The following CASP14 variants were observed in gnomAD, a reference collection of about 807,000 sequenced individuals.
CASP14 encodes caspase 14.
A neutral mutation model predicts 28.4 loss-of-function variants in CASP14; 27 were observed. That is an observed-to-expected ratio of 0.95 (90% confidence interval 0.70 to 1.31). CASP14 has a LOEUF of 1.31. CASP14 is among the 50% of genes most tolerant of loss of function. The probability of loss-of-function intolerance (pLI) is 0.00; values close to 1 mark genes in which losing one functional copy is unlikely to be tolerated. For synonymous variants in CASP14, 115 were observed against 118.6 expected, an observed-to-expected ratio of 0.97 and a Z score of 0.20; for missense variants, 323 against 312.8, an observed-to-expected ratio of 1.03 and a Z score of -0.25.
chr19:15,052,172 A>C, intron 1 of CASP14, 34 bp from the exon 2 acceptor site: 1 of 1,499,904 alleles, frequency 6.7e-7, no homozygotes, highest in Non-Finnish European at 9.0e-7. Context: ...GCCTCCCTTT[A>C]GAGAACTTTA....
chr19:15,053,962 G>C lies in CASP14; in HGVS notation c.403+4G>C, dbSNP rs1568315287. 3 of 1,609,870 alleles carry C rather than the reference G, an allele frequency of 1.9e-6. No individual in the cohort carries two copies. In the South Asian group the frequency reaches 3.3e-5, roughly 18 times the overall value. On this transcript the variant is annotated splice_donor_region_variant and intron_variant, in intron 4 of 6. Transcript: ENST00000427043. ...ATCATACAGGCCTGTCGAGGAGGTG[G>C]GGACAGATCCAAGAGCACAGAGTCT...
intron 3 of CASP14, 35 bp from the exon 4 acceptor site, chr19:15,053,698 G>C: frequency 6.2e-7 from 1 of 1,613,090 alleles, no homozygotes; most frequent in Non-Finnish European, 8.5e-7. Flanking sequence ...AGGCTATGGG[G>C]ACCCAGCTGA....
rs981767065 is a variant in CASP14 at position 15,056,232 on chromosome 19, A to G, written c.*143A>G. On this transcript the variant is annotated 3_prime_UTR_variant, in exon 7 of 7. Coordinates refer to ENST00000427043, the MANE Select transcript of CASP14 (RefSeq NM_012114.3). ...TTCTTTTCCATCACACCCTTCATGC[A>G]GGTCCTCCTGTCCTTATTAGAGCAA... 1.6e-6 allele frequency: 1 copy of G among 640,688 alleles called. No individual in the cohort carries two copies. The allele number at this position is 640,688 out of a possible 1,614,324, so 39.7% of individuals were successfully genotyped here. A position where few individuals can be genotyped will look rare whatever the true frequency, so the allele number is the denominator to read the frequency against.
intron 2 of CASP14, 123 bp from the exon 3 acceptor site, chr19:15,053,359 C>T (rs1449330133): frequency 7.5e-5 from 90 of 1,200,226 alleles, no homozygotes; most frequent in African/African-American, 5.7e-4. Context: ...CCTCCCACCT[C>T]GGCCTCCCAA....
At chr19:15,055,563 C>T (rs754476141) in intron 6 of CASP14, 30 bp downstream of exon 6, 373 of 1,539,892 alleles carry the variant, frequency 2.4e-4, no homozygotes, top group Non-Finnish European at 3.2e-4. Flanking sequence ...CTGGGACCAC[C>T]GCCCAGGCCA....
Position 15,052,282 on chromosome 19 carries a change from G to A in CASP14, c.27+4G>A. On this transcript the variant is annotated splice_donor_region_variant and intron_variant, in intron 2 of 6. Coordinates refer to ENST00000427043, the MANE Select transcript of CASP14 (RefSeq NM_012114.3). ...CAATCCGCGGTCTTTGGAAGAGGTA[G>A]GCTGGGTGCAGGTTGAGGGGAGGGT... is the stretch of plus-strand genomic sequence containing the variant. 6.3e-7 allele frequency: 1 copy of A among 1,587,096 alleles called. No homozygotes were observed. Among genetic ancestry groups the A allele is most frequent in the South Asian group, 1.2e-5 (1 of 85,754 alleles).
chr19:15,055,892 A>G, intron 6 of CASP14, 93 bp from the exon 7 acceptor site: 1 of 912,504 alleles, frequency 1.1e-6, no homozygotes, highest in Non-Finnish European at 1.7e-6. Flanking sequence ...CTCTCATCTT[A>G]GGACAAGAAT....
At chr19:15,050,591 TAGA>T (rs1233547264) in intron 1 of CASP14, among the ~76,000 whole-genome samples, 1 of 151,036 alleles carries the variant, frequency 6.6e-6, no homozygotes, top group Non-Finnish European at 1.5e-5. Context: ...AAGGAATGGA[TAGA>T]AGGAGGGCTA....
chr19:15,050,141 G>A lies in CASP14; in HGVS notation c.-47+496G>A, dbSNP rs549174294. Among the ~76,000 whole-genome samples, 8 of 152,186 alleles carry A rather than the reference G, an allele frequency of 5.3e-5. No homozygotes were observed. The East Asian group carries it at 5.8e-4, about 11-fold the overall frequency. On this transcript the variant is annotated intron_variant, in intron 1 of 6. Transcript: ENST00000427043. Reference sequence around the variant, plus strand: ...CTAGAGCTCTCCCCAGGTCCTTTGCGGATGGGAAAATCGAGTCTCAGAGAG... The same window carrying A: ...CTAGAGCTCTCCCCAGGTCCTTTGCAGATGGGAAAATCGAGTCTCAGAGAG...
chr19:15,052,267 T>C lies in CASP14; in HGVS notation c.16T>C (p.Ser6Pro), dbSNP rs200016650. 32 of 1,590,980 alleles carry C rather than the reference T, an allele frequency of 2.0e-5. No homozygotes were observed. The highest frequency in any genetic ancestry group is 8.9e-5 in the Admixed American group (5 of 56,466). ...CAAAGGAGAAATGAGCAATCCGCGGTCTTTGGAAGAGGTAGGCTGGGTGCA... is the reference window on the plus strand; with the variant it reads ...CAAAGGAGAAATGAGCAATCCGCGGCCTTTGGAAGAGGTAGGCTGGGTGCA... MSNPR[S>P]LEEEKYDMSG... is the part of the protein sequence containing the mutation. Residue 6 changes from serine to proline, a missense_variant, in exon 2 of 7, where the codon TCT becomes CCT. Coordinates refer to ENST00000427043, the MANE Select transcript of CASP14 (RefSeq NM_012114.3).
At chr19:15,052,869 T>C (rs902812616) in intron 2 of CASP14, among the ~76,000 whole-genome samples, 4 of 152,156 alleles carry the variant, frequency 2.6e-5, no homozygotes, top group African/African-American at 9.7e-5. Flanking sequence ...CCCAAGTTCA[T>C]ACCAAGCTAG....
At chr19:15,055,865 G>A (rs1321507894) in intron 6 of CASP14, 120 bp from the exon 7 acceptor site, 6 of 705,848 alleles carry the variant, frequency 8.5e-6, no homozygotes, top group African/African-American at 7.2e-5. Context: ...TATGGTATAG[G>A]AAGAGGCCAC....
intron 6 of CASP14, 115 bp downstream of exon 6, chr19:15,055,648 G>C (rs1313892097): frequency 8.5e-6 from 6 of 706,594 alleles, no homozygotes; most frequent in Admixed American, 8.3e-5. Context: ...ATCCAAGCCA[G>C]ATCTCAATAC....
At position 15,053,818 on chromosome 19, in the gene CASP14, C is replaced by T; in HGVS notation, c.263C>T (p.Ala88Val). 2 of 1,614,126 alleles carry T rather than the reference C, an allele frequency of 1.2e-6. No homozygotes were observed. The highest frequency in any genetic ancestry group is 1.7e-6 in the Non-Finnish European group (2 of 1,180,036). Residue 88 changes from alanine to valine, a missense_variant, in exon 4 of 7, where the codon GCT (alanine) becomes GTT (valine). Physicochemically the swap from Ala to Val is moderately conservative, Grantham distance 64. Transcript: ENST00000427043. The stretch of plus-strand genomic sequence containing the variant: ...AGTTGTGCCTTCGTGGTACTCATGG[C>T]TCACGGGAGGGAAGGCTTCCTCAAG... ...PVSCAFVVLM[A>V]HGREGFLKGE... is the part of the protein sequence containing the mutation.
chr19:15,050,785 G>A (rs1035171746), intron 1 of CASP14, among the ~76,000 whole-genome samples: 1 of 151,388 alleles, frequency 6.6e-6, no homozygotes, highest in African/African-American at 2.4e-5. Context: ...TGGGATGACT[G>A]ATTAATAGAT....
chr19:15,051,649 A>T (rs1242261844), intron 1 of CASP14, among the ~76,000 whole-genome samples: 4 of 152,246 alleles, frequency 2.6e-5, no homozygotes, highest in Non-Finnish European at 1.5e-5. Context: ...GAGAATGGAG[A>T]ATGTGGACAG....
rs2046118951 is a variant in CASP14 at position 15,056,614 on chromosome 19, T to G, written c.*525T>G. On this transcript the variant is annotated 3_prime_UTR_variant, in exon 7 of 7. Coordinates refer to ENST00000427043, the MANE Select transcript of CASP14 (RefSeq NM_012114.3). ...AACCATTCTTTCTCTCCAAAACCAC[T>G]CCTCCTTGGCTGGCAAGTTGGTGTC... is the stretch of plus-strand genomic sequence containing the variant. 1 of 153,698 alleles carries G rather than the reference T, an allele frequency of 6.5e-6. No homozygotes were observed. Among genetic ancestry groups the G allele is most frequent in the Admixed American group, 6.4e-5 (1 of 15,586 alleles). The allele number at this position is 153,698 out of a possible 1,614,324, so 9.5% of individuals were successfully genotyped here. A position where few individuals can be genotyped will look rare whatever the true frequency, so the allele number is the denominator to read the frequency against.
chr19:15,053,995 G>A (rs959010938), intron 4 of CASP14, 37 bp downstream of exon 4: 1 of 1,557,876 alleles, frequency 6.4e-7, no homozygotes, highest in African/African-American at 1.4e-5. Flanking sequence ...TCTGTGGTTT[G>A]TTGTTTCTGT....
chr19:15,051,316 G>A (rs902477379), intron 1 of CASP14, among the ~76,000 whole-genome samples: 2 of 151,544 alleles, frequency 1.3e-5, no homozygotes, highest in African/African-American at 4.8e-5. Flanking sequence ...GGCTAACACA[G>A]TGAAATCCCG....
Sources: gnomAD v4.1 joint callset for allele counts (sites outside exome capture counted in the v4.1 genomes callset) on GRCh38, gnomAD v4.1.1 for gene constraint, MANE v1.5 for transcripts, NCBI Gene and HGNC (gene_info 2026-07-23, HGNC 2026-07-21) for gene names.